The following CCDC175 variants were observed in gnomAD, a reference collection of about 807,000 sequenced individuals.
The protein encoded by CCDC175 is coiled-coil domain containing 175.
A neutral mutation model predicts 114.6 loss-of-function variants in CCDC175; 100 were observed. That is an observed-to-expected ratio of 0.87 (90% CI 0.74 to 1.03). The LOEUF (loss-of-function observed/expected upper bound fraction) is 1.03, where lower values mean the gene tolerates loss of function less well. Ranked by LOEUF, CCDC175 falls within the 50% of genes least tolerant of loss-of-function variation. The pLI is 0.00. For missense variants in CCDC175, 880 were observed against 917.8 expected, an observed-to-expected ratio of 0.96 and a Z score of 0.53; for synonymous variants, 306 against 308.7, an observed-to-expected ratio of 0.99 and a Z score of 0.09.
intron 12 of CCDC175, 89 bp downstream of exon 12, chr14:59,538,616 T>C: frequency 2.7e-6 from 3 of 1,126,218 alleles, no homozygotes; most frequent in Non-Finnish European, 3.6e-6. Flanking sequence ...AAAATACTTT[T>C]TAATAAGATA....
chr14:59,542,041 A>C (rs2140041206), intron 10 of CCDC175, among the ~76,000 whole-genome samples: 1 of 152,236 alleles, frequency 6.6e-6, no homozygotes, highest in South Asian at 2.1e-4. Flanking sequence ...ATGTGCTTGA[A>C]TTTTCATCAC....
intron 4 of CCDC175, among the ~76,000 whole-genome samples, chr14:59,565,834 G>GTGAC (rs1442344874): frequency 6.6e-6 from 1 of 152,190 alleles, no homozygotes; most frequent in African/African-American, 2.4e-5. Context: ...ATGCCAGGTA[G>GTGAC]TGACCACAGG....
chr14:59,508,017 C>T (rs932744262), intron 19 of CCDC175, among the ~76,000 whole-genome samples: 1 of 152,130 alleles, frequency 6.6e-6, no homozygotes, highest in African/African-American at 2.4e-5. Context: ...CACTGGGTTC[C>T]TTGAAGTTAC....
intron 17 of CCDC175, among the ~76,000 whole-genome samples, chr14:59,513,890 G>A (rs772554416): frequency 1.5e-4 from 23 of 152,176 alleles, no homozygotes; most frequent in Non-Finnish European, 2.9e-4. Context: ...CTTGACCCCC[G>A]AGTAGCGTAA....
chr14:59,512,426 G>T (rs1002250096), intron 17 of CCDC175, among the ~76,000 whole-genome samples: 2 of 152,182 alleles, frequency 1.3e-5, no homozygotes, highest in Admixed American at 1.3e-4. Context: ...AGCCTCCCTG[G>T]TTGGCAACAC....
intron 19 of CCDC175, among the ~76,000 whole-genome samples, chr14:59,508,738 A>G (rs4901932): frequency 0.39 from 58,867 of 151,626 alleles, 12,165 homozygotes; most frequent in African/African-American, 0.52. Flanking sequence ...GAGGCCCCAA[A>G]GTGCTGCCTT....
intron 17 of CCDC175, among the ~76,000 whole-genome samples, chr14:59,516,005 T>A (rs1268760870): frequency 6.6e-6 from 1 of 152,206 alleles, no homozygotes; most frequent in Non-Finnish European, 1.5e-5. Flanking sequence ...AACTCAGGAT[T>A]AAGAAACTCA....
At chr14:59,549,316 C>A (rs2140064201) in intron 8 of CCDC175, among the ~76,000 whole-genome samples, 1 of 152,212 alleles carries the variant, frequency 6.6e-6, no homozygotes, top group Non-Finnish European at 1.5e-5. Flanking sequence ...GAGTTCACAA[C>A]CAGCCGAGGC....
chr14:59,527,038 G>T, intron 15 of CCDC175, 57 bp downstream of exon 15: 2 of 944,900 alleles, frequency 2.1e-6, no homozygotes, highest in Non-Finnish European at 3.1e-6. Context: ...ACTACCATCT[G>T]TATATACCAC....
chr14:59,544,747 G>C (rs150150966), intron 9 of CCDC175, among the ~76,000 whole-genome samples: 2 of 152,150 alleles, frequency 1.3e-5, no homozygotes, highest in Non-Finnish European at 2.9e-5. Flanking sequence ...GATAATGCTC[G>C]AGCATATTAT....
chr14:59,547,622 G>C (rs1362190667), intron 8 of CCDC175, among the ~76,000 whole-genome samples: 1 of 152,164 alleles, frequency 6.6e-6, no homozygotes, highest in Non-Finnish European at 1.5e-5. Flanking sequence ...TCAGTAAATG[G>C]TGCTGGTTAA....
intron 10 of CCDC175, among the ~76,000 whole-genome samples, chr14:59,542,858 T>C (rs956902): frequency 0.53 from 79,784 of 151,876 alleles, 21,989 homozygotes; most frequent in East Asian, 0.82. Context: ...AATTTTTGGA[T>C]ACATACATAT....
At chr14:59,508,565 CAAAAAA>C (rs565175219) in intron 19 of CCDC175, among the ~76,000 whole-genome samples, 1 of 74,578 alleles carries the variant, frequency 1.3e-5, no homozygotes, top group Non-Finnish European at 2.4e-5. Flanking sequence ...GGCCCTGTCT[CAAAAAA>C]AAAAAAAAAA....
chr14:59,551,931 G>A (rs916183675), intron 7 of CCDC175, among the ~76,000 whole-genome samples: 3 of 152,222 alleles, frequency 2.0e-5, no homozygotes, highest in African/African-American at 4.8e-5. Context: ...AGGGGCGCCC[G>A]CCATTGCCAA....
At chr14:59,510,994 A>G (rs1489489167) in intron 18 of CCDC175, among the ~76,000 whole-genome samples, 186 bp from the exon 19 acceptor site, 1 of 152,236 alleles carries the variant, frequency 6.6e-6, no homozygotes, top group Non-Finnish European at 1.5e-5. Context: ...AAAATGGATT[A>G]TGAAGTGAGA....
intron 1 of CCDC175, among the ~76,000 whole-genome samples, chr14:59,575,999 C>A (rs1466945662): frequency 6.6e-6 from 1 of 152,276 alleles, no homozygotes; most frequent in Non-Finnish European, 1.5e-5. Flanking sequence ...TTGGCCTAAA[C>A]GGTTTTTGCA....
intron 13 of CCDC175, among the ~76,000 whole-genome samples, chr14:59,536,193 C>A (rs1323907475): frequency 2.0e-5 from 3 of 152,088 alleles, no homozygotes; most frequent in Non-Finnish European, 4.4e-5. Flanking sequence ...AACCCCACCC[C>A]CTTGTGATTC....
chr14:59,562,223 C>G (rs1449918695), intron 6 of CCDC175, among the ~76,000 whole-genome samples: 5 of 152,172 alleles, frequency 3.3e-5, no homozygotes, highest in African/African-American at 4.8e-5. Context: ...TCCTCCTTGC[C>G]TGGACAGGTA....
intron 3 of CCDC175, among the ~76,000 whole-genome samples, chr14:59,570,741 T>TTTTGTTTC (rs1555348842): frequency 6.6e-6 from 1 of 151,352 alleles, no homozygotes; most frequent in Non-Finnish European, 1.5e-5. Context: ...TCTCTTTTGT[T>TTTTGTTTC]TTTGTTTGTT....
Sources: gnomAD v4.1 joint callset for allele counts (sites outside exome capture counted in the v4.1 genomes callset) on GRCh38, gnomAD v4.1.1 for gene constraint, MANE v1.5 for transcripts, NCBI Gene and HGNC (gene_info 2026-07-23, HGNC 2026-07-21) for gene names.